Variants in NOXA1 observed in about 807,000 individuals in gnomAD.
The protein encoded by NOXA1 is NCF2-like protein.
NOXA1 carries 56 observed loss-of-function variants against 64.8 expected under a neutral mutation model. That is an observed-to-expected ratio of 0.86 (90% CI 0.70 to 1.08). The LOEUF (loss-of-function observed/expected upper bound fraction) is 1.08, where lower values mean the gene tolerates loss of function less well. NOXA1 is among the 50% of genes least tolerant of loss of function. The probability of loss-of-function intolerance (pLI) is 0.00; values close to 1 mark genes in which losing one functional copy is unlikely to be tolerated. For missense variants in NOXA1, 668 were observed against 658.5 expected (o/e 1.01, Z -0.16); for synonymous variants, 295 against 294.8 (o/e 1.00, Z -0.01).
intron 9 of NOXA1, 28 bp downstream of exon 9, chr9:137,433,102 C>T (rs749527806): frequency 3.7e-6 from 6 of 1,612,510 alleles, no homozygotes; most frequent in Non-Finnish European, 5.1e-6. Context: ...GGCGGGGTCC[C>T]CGGGTGAAGG....
In NOXA1 at chr9:137,431,984, C is replaced by T. The variant is rs1438252330; in HGVS notation, c.804+643C>T. Among the ~76,000 whole-genome samples the T allele has an allele frequency of 6.6e-6, 1 of 152,170 alleles. No homozygotes were observed. Among genetic ancestry groups the T allele is most frequent in the Non-Finnish European group, 1.5e-5 (1 of 68,030 alleles). ...CCACTTCCAGTTTAACCGTGGCATC[C>T]CGGGGGCAAGGGCGCCCTCCAAGCT... is the stretch of plus-strand genomic sequence containing the variant. On this transcript the variant is annotated intron_variant, in intron 8 of 13. Coordinates refer to ENST00000683555, the MANE Select transcript of NOXA1 (RefSeq NM_001256067.2). The surrounding 1 kb of genome is among the most constrained non-coding windows in gnomAD (Gnocchi z 5.6).
intron 5 of NOXA1, among the ~76,000 whole-genome samples, chr9:137,429,806 T>C (rs1564238637): frequency 1.0e-5 from 1 of 97,536 alleles, no homozygotes; most frequent in Non-Finnish European, 1.9e-5. Flanking sequence ...GATAGCGAGG[T>C]CCCGGGGGGG....
rs761090293 is a variant in NOXA1, at chr9:137,428,990, C to G, written c.478C>G (p.Leu160Val). ...GTGGCCGGAGGGGTCCCTGAATGGC[C>G]TGGACTCAGCCCTGGACCAAGTGCA... ...SKWPEGSLNG[L>V]DSALDQVQRR... Residue 160 changes from leucine (L) to valine (V), a missense_variant, in exon 4 of 14, where the codon CTG (leucine) becomes GTG (valine). Leu to Val is a conservative substitution (Grantham distance 32, BLOSUM62 1). Transcript: ENST00000683555. 1.3e-6 allele frequency: 2 copies of G among 1,591,928 alleles called. No homozygotes were observed. Among genetic ancestry groups the G allele is most frequent in the South Asian group, 1.1e-5 (1 of 87,536 alleles).
chr9:137,428,923 C>T lies in NOXA1; in HGVS notation c.411C>T (p.Leu137=), dbSNP rs1385601464. 6.3e-7 allele frequency: 1 copy of T among 1,595,572 alleles called. No individual in the cohort carries two copies. Residue 137 remains leucine, a synonymous_variant, in exon 4 of 14, where the codon CTC becomes CTT. Transcript: ENST00000683555. The part of the protein sequence containing the change: ...NVASAQCQLG[L]WTEAASSLRE... ...CGTCGGCACAGTGCCAGCTGGGGCT[C>T]TGGACAGAGGCGGCCAGCAGCCTAA... is the stretch of plus-strand genomic sequence containing the variant.
At position 137,428,152 on chromosome 9, in the gene NOXA1, G is replaced by T; in HGVS notation, c.369+11G>T. The T allele has an allele frequency of 7.1e-6, 11 of 1,539,492 alleles. No individual in the cohort carries two copies. Among genetic ancestry groups the T allele is most frequent in the Non-Finnish European group, 9.7e-6 (11 of 1,135,714 alleles). The stretch of plus-strand genomic sequence containing the variant: ...CTGCAAGCCTGGGAGGTGAGGCCGG[G>T]CAGGGCTCACTGTGCTGCTGGCTGT... On this transcript the variant is annotated intron_variant, in intron 3 of 13. Coordinates refer to ENST00000683555, the MANE Select transcript of NOXA1 (RefSeq NM_001256067.2).
At chr9:137,428,180 G>C (rs775397293) in intron 3 of NOXA1, 39 bp downstream of exon 3, 1 of 1,439,192 alleles carries the variant, frequency 6.9e-7, no homozygotes. Flanking sequence ...CTGGCTGTGG[G>C]GTGTCCACGG....
At chr9:137,432,717 C>T (rs139980320) in intron 8 of NOXA1, among the ~76,000 whole-genome samples, 13 of 152,236 alleles carry the variant, frequency 8.5e-5, no homozygotes, top group Admixed American at 5.9e-4. Flanking sequence ...ACACAGAGGC[C>T]GGGGCCCAGG....
chr9:137,426,461 G>A, intron 2 of NOXA1, 131 bp downstream of exon 2: 1 of 808,630 alleles, frequency 1.2e-6, no homozygotes, highest in Non-Finnish European at 2.0e-6. Context: ...ATGGTTCCTG[G>A]CTCCAGGGAA....
chr9:137,431,156 C>A lies in NOXA1; in HGVS notation c.698+56C>A, dbSNP rs2131888696. ...CGTGCCTTTCCTGCTGGGCAGAGGC[C>A]CTCCACATGGGGCCACGCGGGCCGG... On this transcript the variant is annotated intron_variant, in intron 7 of 13. Coordinates refer to ENST00000683555, the MANE Select transcript of NOXA1 (RefSeq NM_001256067.2). This position sits in a 1 kb window ranked among gnomAD's most constrained non-coding sequence, Gnocchi z 5.6. The A allele has an allele frequency of 6.2e-7, 1 of 1,611,936 alleles. No individual in the cohort carries two copies. The highest frequency in any genetic ancestry group is 1.7e-4 in the Middle Eastern group (1 of 6,050).
Position 137,431,322 on chromosome 9 carries a change from CGACT to C in NOXA1, c.787_790del (p.Thr263ProfsTer51), listed in dbSNP as rs1564240225. On this transcript the variant is annotated frameshift_variant, in exon 8 of 14. Transcript: ENST00000683555. LOFTEE classifies it high-confidence loss of function. This position sits in a 1 kb window ranked among gnomAD's most constrained non-coding sequence, Gnocchi z 5.6. ...GAGGTCGGTGCTGACCGCTGCACGT[CGACT>C]GCCTACCAGGAGCAGGTGCGTGGGC... is the stretch of plus-strand genomic sequence containing the variant. 6.2e-7 allele frequency: 1 copy of C among 1,610,122 alleles called. No individual in the cohort carries two copies. The highest frequency in any genetic ancestry group is 8.5e-7 in the Non-Finnish European group (1 of 1,179,860).
Position 137,430,801 on chromosome 9 carries a change from C to A in NOXA1, c.630C>A (p.Ile210=). Residue 210 remains isoleucine (I), a synonymous_variant, in exon 6 of 14, where the codon ATC becomes ATA. Transcript: ENST00000683555. ...LGKAKVVASA[I]PDDQGWGVRP... is the part of the protein sequence containing the mutation. ...CCCGCCAGGTGGTGGCCTCTGCCATCCCCGACGACCAGGGCTGGGGCGTCC... is the reference window on the plus strand; with the variant it reads ...CCCGCCAGGTGGTGGCCTCTGCCATACCCGACGACCAGGGCTGGGGCGTCC... The A allele has an allele frequency of 1.3e-6, 2 of 1,595,030 alleles. No homozygotes were observed. The highest frequency in any genetic ancestry group is 1.7e-5 in the Admixed American group (1 of 58,904).
intron 10 of NOXA1, 29 bp downstream of exon 10, chr9:137,433,292 A>G (rs191957365): frequency 3.3e-6 from 5 of 1,537,664 alleles, no homozygotes; most frequent in Middle Eastern, 1.8e-4. Flanking sequence ...TTCACCTGTC[A>G]GTCACCTGAG....
At chr9:137,429,809 C>G (rs1473710262) in intron 5 of NOXA1, among the ~76,000 whole-genome samples, 2 of 97,708 alleles carry the variant, frequency 2.0e-5, no homozygotes, top group African/African-American at 8.5e-5. Flanking sequence ...AGCGAGGTCC[C>G]GGGGGGGTCC....
chr9:137,430,226 G>A (rs1235024338), intron 5 of NOXA1, among the ~76,000 whole-genome samples: 1 of 152,136 alleles, frequency 6.6e-6, no homozygotes, highest in Non-Finnish European at 1.5e-5. Context: ...GCCACGTCAC[G>A]CCCACACTTG....
intron 1 of NOXA1, among the ~76,000 whole-genome samples, 197 bp from the exon 2 acceptor site, chr9:137,426,051 T>C (rs1838834876): frequency 6.6e-6 from 1 of 150,634 alleles, no homozygotes; most frequent in Non-Finnish European, 1.5e-5. Flanking sequence ...TGGGGTTGGG[T>C]GGGCTGTGGC....
intron 5 of NOXA1, among the ~76,000 whole-genome samples, chr9:137,430,007 C>T (rs1392719558): frequency 1.0e-5 from 1 of 100,412 alleles, no homozygotes; most frequent in Non-Finnish European, 1.8e-5. Flanking sequence ...CCACAGGTAG[C>T]GAGGTCCCGG....
rs149859430 is a variant in NOXA1 at position 137,426,319 on chromosome 9, C to T, written c.249C>T (p.Phe83=). The T allele has an allele frequency of 5.9e-5, 95 of 1,613,722 alleles. No homozygotes were observed. The African/African-American group carries it at 1.2e-3, about 20-fold the overall frequency. Residue 83 remains phenylalanine (F), a synonymous_variant, in exon 2 of 14, where the codon TTC becomes TTT. Transcript: ENST00000683555. The part of the protein sequence containing the change: ...VGFFQRGVAN[F]QLARFQEALS... ...TCTTCCAGCGAGGAGTGGCCAACTT[C>T]CAGCTGGCAAGGTGAGTACAGGGGT...
In NOXA1 at chr9:137,433,237, C is replaced by A. The variant is rs578190978; in HGVS notation, c.883C>A (p.Pro295Thr). The A allele has an allele frequency of 6.2e-7, 1 of 1,600,952 alleles. No individual in the cohort carries two copies. The highest frequency in any genetic ancestry group is 8.5e-7 in the Non-Finnish European group (1 of 1,175,182). Residue 295 changes from proline to threonine, a missense_variant, in exon 10 of 14, where the codon CCC becomes ACC. Coordinates refer to ENST00000683555, the MANE Select transcript of NOXA1 (RefSeq NM_001256067.2). ...LPAMGGPGPG[P>T]CEDPAGAGGA... ...GGCAATGGGGGGGCCTGGCCCCGGCCCCTGTGAGGACCCCGCGGGTGCTGG... is the reference window on the plus strand; with the variant it reads ...GGCAATGGGGGGGCCTGGCCCCGGCACCTGTGAGGACCCCGCGGGTGCTGG...
chr9:137,426,214 G>C, intron 1 of NOXA1, 34 bp from the exon 2 acceptor site: 1 of 1,588,808 alleles, frequency 6.3e-7, no homozygotes, highest in Non-Finnish European at 8.6e-7. Context: ...CCAGGTTACA[G>C]ACCTTGGCAT....
Sources: allele counts gnomAD v4.1 joint callset (sites outside exome capture counted in the v4.1 genomes callset), GRCh38; gene constraint gnomAD v4.1.1; non-coding constraint Gnocchi (gnomAD v3.1); transcripts MANE v1.5; gene names NCBI Gene and HGNC (gene_info 2026-07-23, HGNC 2026-07-21).